Variants in BBOF1 observed in about 807,000 individuals in gnomAD.
BBOF1 encodes basal body orientation factor 1, also known as basal body-orientation factor 1.
In BBOF1, 62 loss-of-function variants were observed where a neutral mutation model predicts 68.0. The observed-to-expected ratio is 0.91, with a 90% CI of 0.74 to 1.13. The LOEUF is 1.13. Among genes scored for constraint, BBOF1 ranks in the 50% most tolerant of loss-of-function variants. The pLI, the probability that BBOF1 is intolerant of heterozygous loss-of-function variation, is 0.00. For missense variants in BBOF1, 534 were observed against 600.1 expected (o/e 0.89, Z 1.15); for synonymous variants, 208 against 198.8 (o/e 1.05, Z -0.39).
chr14:74,036,136 A>G (rs1163432101), intron 4 of BBOF1, among the ~76,000 whole-genome samples: 1 of 147,106 alleles, frequency 6.8e-6, no homozygotes, highest in African/African-American at 2.7e-5. Context: ...GCTCACTGCA[A>G]CCTCCACCTC....
rs762511088 is a variant in BBOF1 at position 74,056,917 on chromosome 14, A to G, written c.1400A>G (p.Gln467Arg). The G allele has an allele frequency of 1.2e-6, 2 of 1,613,168 alleles. No individual in the cohort carries two copies. The highest frequency in any genetic ancestry group is 1.7e-6 in the Non-Finnish European group (2 of 1,179,202). Reference sequence around the variant, plus strand: ...TTTACCCACTACAGGAAATACAACCAGAGTTCTAGGCCTCCAGTTCCAGAC... The same window carrying G: ...TTTACCCACTACAGGAAATACAACCGGAGTTCTAGGCCTCCAGTTCCAGAC... ...MNGCPSRKYN[Q>R]SSRPPVPDYV... is the part of the protein sequence containing the mutation. Residue 467 changes from glutamine to arginine, a missense_variant, in exon 10 of 12, where the codon CAG (glutamine) becomes CGG (arginine). Coordinates refer to ENST00000394009, the MANE Select transcript of BBOF1 (RefSeq NM_025057.3).
chr14:74,058,056 G>A (rs553057554), intron 11 of BBOF1: 29 of 352,498 alleles, frequency 8.2e-5, no homozygotes, highest in Non-Finnish European at 1.1e-4. Context: ...GGCCAGGTGC[G>A]GTGGTTCACG....
chr14:74,052,066 ACTACT>A (rs1418754851), intron 8 of BBOF1, among the ~76,000 whole-genome samples: 1 of 151,806 alleles, frequency 6.6e-6, no homozygotes, highest in African/African-American at 2.4e-5. Context: ...CTGTAATACT[ACTACT>A]GTTACCAAGA....
chr14:74,033,777 A>G (rs2059631453), intron 3 of BBOF1, among the ~76,000 whole-genome samples: 1 of 151,948 alleles, frequency 6.6e-6, no homozygotes, highest in Admixed American at 6.6e-5. Context: ...GAGGCAAGAG[A>G]ATGGCGTGAA....
At chr14:74,063,450 G>A (rs1595110143) in intron 11 of BBOF1, among the ~76,000 whole-genome samples, 1 of 152,040 alleles carries the variant, frequency 6.6e-6, no homozygotes. Context: ...CTCCCAAAGT[G>A]CTGGGATTAC....
intron 2 of BBOF1, among the ~76,000 whole-genome samples, chr14:74,027,422 G>C (rs547421238): frequency 9.8e-6 from 1 of 102,342 alleles, no homozygotes; most frequent in African/African-American, 3.9e-5. Context: ...GCAGAAGAAT[G>C]CCAATTAATA....
downstream of BBOF1, chr14:74,069,043 T>G (rs1340957963): frequency 6.4e-6 from 10 of 1,556,846 alleles, no homozygotes; most frequent in Admixed American, 1.4e-4. Flanking sequence ...CATGGCAAAT[T>G]TCCCCTTTCC....
At chr14:74,033,991 C>A (rs1449689683) in intron 3 of BBOF1, 37 bp from the exon 4 acceptor site, 1 of 1,549,522 alleles carries the variant, frequency 6.5e-7, no homozygotes, top group Admixed American at 2.1e-5. Context: ...GACTTCTGTT[C>A]TTTTTCCTAA....
intron 2 of BBOF1, among the ~76,000 whole-genome samples, chr14:74,026,154 A>AT (rs1491275997): frequency 5.9e-5 from 8 of 136,364 alleles, no homozygotes. Context: ...AAAAAAAAAA[A>AT]GAGAGAGACT....
intron 1 of BBOF1, among the ~76,000 whole-genome samples, chr14:74,022,130 T>G (rs1245650204): frequency 6.6e-6 from 1 of 152,000 alleles, no homozygotes; most frequent in Non-Finnish European, 1.5e-5. Flanking sequence ...TCTCAGCACG[T>G]TGAGAGGCCA....
At chr14:74,066,677 T>C, downstream of BBOF1, 1 of 1,607,328 alleles carries the variant, frequency 6.2e-7, no homozygotes, top group Non-Finnish European at 8.5e-7. Context: ...CCTTCAGCTC[T>C]CATATTTGTG....
rs3815330 is a variant in BBOF1, at chr14:74,064,782, T to G, written c.*83T>G. On this transcript the variant is annotated 3_prime_UTR_variant, in exon 12 of 12. Coordinates refer to ENST00000394009, the MANE Select transcript of BBOF1 (RefSeq NM_025057.3). ...TGCTCCTGAATATCTTTAAGAAAAT[T>G]TCTTAAAGGAAAAGACAAAAAATTT... 340,370 of 1,611,668 alleles carry G rather than the reference T, an allele frequency of 0.21. 41,128 individuals carry two copies. Among genetic ancestry groups the G allele is most frequent in the South Asian group, 0.46 (41,636 of 91,024 alleles).
chr14:74,055,767 A>C, intron 9 of BBOF1, 82 bp downstream of exon 9: 1 of 1,090,436 alleles, frequency 9.2e-7, no homozygotes, highest in South Asian at 1.4e-5. Context: ...TATTTTTCTT[A>C]CTTAGAACTA....
At chr14:74,050,774 A>G (rs1252446870) in intron 8 of BBOF1, among the ~76,000 whole-genome samples, 1 of 152,160 alleles carries the variant, frequency 6.6e-6, no homozygotes, top group African/African-American at 2.4e-5. Flanking sequence ...CATAGGTGAT[A>G]ATATCTATCC....
Position 74,065,437 on chromosome 14 carries a change from C to T in BBOF1, c.*738C>T. The T allele has an allele frequency of 2.3e-6, 3 of 1,278,284 alleles. No individual in the cohort carries two copies. Among genetic ancestry groups the T allele is most frequent in the Middle Eastern group, 2.5e-4 (1 of 4,034 alleles). The allele number at this position is 1,278,284 out of a possible 1,614,324, so 79.2% of individuals were successfully genotyped here. On this transcript the variant is annotated 3_prime_UTR_variant, in exon 12 of 12. Coordinates refer to ENST00000394009, the MANE Select transcript of BBOF1 (RefSeq NM_025057.3). Reference sequence around the variant, plus strand: ...ATTTTATGCTTATTTGGTACTTTCACTTACTACACATCATTTACGTGGACA... The same window carrying T: ...ATTTTATGCTTATTTGGTACTTTCATTTACTACACATCATTTACGTGGACA...
At chr14:74,077,259 C>T (rs1275029847) in intron 9 of BBOF1, among the ~76,000 whole-genome samples, 1 of 152,136 alleles carries the variant, frequency 6.6e-6, no homozygotes, top group Non-Finnish European at 1.5e-5. Context: ...GCTTCCTACC[C>T]CAAACTAGGT....
chr14:74,075,500 T>TA (rs1164369921), intron 9 of BBOF1, among the ~76,000 whole-genome samples: 1 of 151,606 alleles, frequency 6.6e-6, no homozygotes, highest in South Asian at 2.1e-4. Context: ...TACAAAAAAT[T>TA]AAAAAATTAG....
chr14:74,057,347 T>C, intron 11 of BBOF1, 89 bp downstream of exon 11: 1 of 1,587,582 alleles, frequency 6.3e-7, no homozygotes, highest in Non-Finnish European at 8.6e-7. Context: ...TTTTCTCTAC[T>C]AGTTGAGAGA....
Position 74,055,401 on chromosome 14 carries a change from G to A in BBOF1, c.1287-183G>A, listed in dbSNP as rs28689033. On this transcript the variant is annotated intron_variant, in intron 8 of 11. Coordinates refer to ENST00000394009, the MANE Select transcript of BBOF1 (RefSeq NM_025057.3). ...TGACCTCAGATGATCCACCCGCCTC[G>A]GCCTCCCAAAGTGCTGGGATTACAG... 1,435 of 495,388 alleles carry A rather than the reference G, an allele frequency of 2.9e-3. 14 individuals are homozygous for A. Among genetic ancestry groups the A allele is most frequent in the African/African-American group, 0.026 (1,302 of 50,594 alleles). The allele number at this position is 495,388 out of a possible 1,614,324, so 30.7% of individuals were successfully genotyped here.
Sources: allele counts gnomAD v4.1 joint callset (sites outside exome capture counted in the v4.1 genomes callset), GRCh38; gene constraint gnomAD v4.1.1; transcripts MANE v1.5; gene names NCBI Gene and HGNC (gene_info 2026-07-23, HGNC 2026-07-21).